NEO1: variants seen among roughly 807,000 people sequenced by gnomAD.
NEO1 encodes neogenin.
NEO1 carries 63 observed loss-of-function variants against 159.7 expected under a neutral mutation model. That is an observed-to-expected ratio of 0.39 (90% CI 0.32 to 0.49). The LOEUF is 0.49. Among genes scored for constraint, NEO1 ranks in the 20% least tolerant of loss-of-function variants. The pLI is 0.85. For synonymous variants in NEO1, 633 were observed against 662.0 expected (o/e 0.96, Z 0.67); for missense variants, 1,615 against 1,831.0 (o/e 0.88, Z 2.15).
chr15:73,052,075 G>A (rs2067458672), upstream of NEO1: 1 of 150,586 alleles, frequency 6.6e-6, no homozygotes, highest in Admixed American at 6.6e-5. Context: ...CGGGCGGGAG[G>A]AGCAGGAGGA....
chr15:73,070,022 T>C (rs2068457583), intron 1 of NEO1, among the ~76,000 whole-genome samples: 1 of 152,204 alleles, frequency 6.6e-6, no homozygotes, highest in Non-Finnish European at 1.5e-5. Flanking sequence ...GGAAAATGGC[T>C]AGCTTCAATA....
At chr15:73,302,391 A>G (rs2042654712) in intron 28 of NEO1, among the ~76,000 whole-genome samples, 1 of 152,128 alleles carries the variant, frequency 6.6e-6, no homozygotes, top group Non-Finnish European at 1.5e-5. Context: ...CCTGGGGAGT[A>G]TGTGTTGGGA....
At chr15:73,252,118 T>C (rs944464325) in intron 11 of NEO1, among the ~76,000 whole-genome samples, 4 of 152,228 alleles carry the variant, frequency 2.6e-5, no homozygotes, top group African/African-American at 9.6e-5. Flanking sequence ...GGCACTTTGC[T>C]AGGCACAAGT....
chr15:73,110,007 A>G (rs1487993196), intron 1 of NEO1, among the ~76,000 whole-genome samples: 1 of 152,156 alleles, frequency 6.6e-6, no homozygotes, highest in East Asian at 1.9e-4. Flanking sequence ...TTAACGCTTA[A>G]GTGTTGCCTG....
chr15:73,214,101 T>C (rs1337431648), intron 7 of NEO1, among the ~76,000 whole-genome samples: 2 of 152,190 alleles, frequency 1.3e-5, no homozygotes, highest in Non-Finnish European at 2.9e-5. Context: ...TAGCCCACTT[T>C]TTGATGGGAT....
intron 7 of NEO1, among the ~76,000 whole-genome samples, chr15:73,233,074 G>C (rs1449498085): frequency 6.6e-6 from 1 of 152,140 alleles, no homozygotes; most frequent in African/African-American, 2.4e-5. Context: ...ATCATGCCAG[G>C]AGTCTAAAGT....
intron 13 of NEO1, 105 bp from the exon 14 acceptor site, chr15:73,258,661 A>G (rs1003813387): frequency 1.0e-5 from 9 of 881,522 alleles, no homozygotes; most frequent in East Asian, 2.6e-5. Context: ...TTGCCAAGCT[A>G]TATACTGAGT....
rs1234708920 is a variant in NEO1 at position 73,303,797 on chromosome 15, ATAGGG to A, written c.*1104_*1108del. ...TTTCTAACTGCCTGAGTCACACAGA[ATAGGG>A]TAAGAGCCTGACCCCATTCTGTAAA... On this transcript the variant is annotated 3_prime_UTR_variant, in exon 29 of 29. Coordinates refer to ENST00000261908, the MANE Select transcript of NEO1 (RefSeq NM_002499.4). 6.6e-6 allele frequency: 1 copy of A among 152,250 alleles called. No individual in the cohort carries two copies. Among genetic ancestry groups the A allele is most frequent in the Admixed American group, 6.5e-5 (1 of 15,286 alleles). 9.4% of individuals were successfully genotyped at this position (152,250 alleles called of 1,614,324 possible). A position where few individuals can be genotyped will look rare whatever the true frequency, so the allele number is the denominator to read the frequency against.
chr15:73,245,578 C>CTT (rs1228513120), intron 9 of NEO1, among the ~76,000 whole-genome samples: 4 of 142,556 alleles, frequency 2.8e-5, no homozygotes, highest in African/African-American at 5.1e-5. Flanking sequence ...TCAGTGTATT[C>CTT]TTTTTTTTTT....
intron 5 of NEO1, among the ~76,000 whole-genome samples, chr15:73,148,104 C>T (rs1471071184): frequency 6.6e-6 from 1 of 152,180 alleles, no homozygotes; most frequent in Non-Finnish European, 1.5e-5. Flanking sequence ...TGAGATTATA[C>T]TGCACCTGGC....
At chr15:73,190,707 T>C (rs1234309901) in intron 7 of NEO1, among the ~76,000 whole-genome samples, 1 of 152,026 alleles carries the variant, frequency 6.6e-6, no homozygotes, top group Non-Finnish European at 1.5e-5. Context: ...TTCTAATCAG[T>C]TATTTTGCTT....
chr15:73,192,925 ATCAATT>A (rs987445930), intron 7 of NEO1, among the ~76,000 whole-genome samples: 4 of 152,204 alleles, frequency 2.6e-5, no homozygotes, highest in African/African-American at 9.6e-5. Flanking sequence ...AAATAAAAAC[ATCAATT>A]AGAAATTAAA....
chr15:73,191,044 G>T (rs140354545), intron 7 of NEO1, among the ~76,000 whole-genome samples: 8 of 152,078 alleles, frequency 5.3e-5, no homozygotes, highest in African/African-American at 1.7e-4. Flanking sequence ...TTTCCGTATA[G>T]GTATTGAAAT....
At chr15:73,294,759 C>G (rs911956168) in intron 26 of NEO1, among the ~76,000 whole-genome samples, 1 of 152,024 alleles carries the variant, frequency 6.6e-6, no homozygotes, top group Non-Finnish European at 1.5e-5. Flanking sequence ...AGGCTGGTCT[C>G]AAACTCCTGA....
At position 73,253,437 on chromosome 15, in the gene NEO1, G is replaced by A; in HGVS notation, c.1932G>A (p.Val644=). Residue 644 remains valine, a synonymous_variant, in exon 12 of 29, where the codon GTG becomes GTA. Coordinates refer to ENST00000261908, the MANE Select transcript of NEO1 (RefSeq NM_002499.4). ...SAAPQNLSLE[V]RNSKSIMIHW... is the part of the protein sequence containing the mutation. ...CTCCTCAGAATCTGTCCTTGGAAGT[G>A]AGAAATTCAAAGGTAAAACTGTATG... 6.3e-7 allele frequency: 1 copy of A among 1,597,282 alleles called. No homozygotes were observed.
intron 4 of NEO1, among the ~76,000 whole-genome samples, chr15:73,133,180 T>G (rs2031344567): frequency 3.3e-5 from 5 of 152,006 alleles, no homozygotes; most frequent in Admixed American, 3.3e-4. Context: ...TATGTATATA[T>G]ATATATACGT....
chr15:73,286,820 G>A lies in NEO1; in HGVS notation c.3411-1493G>A, dbSNP rs537332042. Among the ~76,000 whole-genome samples the A allele has an allele frequency of 3.9e-5, 6 of 152,206 alleles. No homozygotes were observed. In the South Asian group the frequency reaches 1.2e-3, roughly 32 times the overall value. On this transcript the variant is annotated intron_variant, in intron 23 of 28. Coordinates refer to ENST00000261908, the MANE Select transcript of NEO1 (RefSeq NM_002499.4). The stretch of plus-strand genomic sequence containing the variant: ...CCATTTATTTACCAAGACCTGTCAT[G>A]TCTGCCTCCTGAATAACTTTCAAAT...
chr15:73,299,920 C>T (rs899358781), intron 27 of NEO1: 1 of 152,082 alleles, frequency 6.6e-6, no homozygotes, highest in Non-Finnish European at 1.5e-5. Flanking sequence ...TGTGGATATT[C>T]TTTTTTGATA....
intron 1 of NEO1, among the ~76,000 whole-genome samples, chr15:73,105,323 T>C (rs1417280546): frequency 6.6e-6 from 1 of 152,194 alleles, no homozygotes; most frequent in Non-Finnish European, 1.5e-5. Flanking sequence ...ATTTCTTGAG[T>C]CTATACGCCT....
Sources: allele counts gnomAD v4.1 joint callset (sites outside exome capture counted in the v4.1 genomes callset), GRCh38; gene constraint gnomAD v4.1.1; transcripts MANE v1.5; gene names NCBI Gene and HGNC (gene_info 2026-07-23, HGNC 2026-07-21).